NGF: variants seen among roughly 807,000 people sequenced by gnomAD.
NGF encodes beta-nerve growth factor.
Under a neutral mutation model 12.8 loss-of-function variants are expected in NGF, and 4 were observed. The observed-to-expected ratio is 0.31, with a 90% CI of 0.15 to 0.72. The LOEUF (loss-of-function observed/expected upper bound fraction) is 0.72, where lower values mean the gene tolerates loss of function less well. Ranked by LOEUF, NGF falls within the 30% of genes least tolerant of loss-of-function variation. NGF has a pLI of 0.69. For synonymous variants in NGF, 140 were observed against 130.0 expected (o/e 1.08, Z -0.52); for missense variants, 283 against 330.8 (o/e 0.86, Z 1.12).
intron 1 of NGF, among the ~76,000 whole-genome samples, chr1:115,328,928 C>G (rs186641826): frequency 6.6e-6 from 1 of 152,118 alleles, no homozygotes; most frequent in Non-Finnish European, 1.5e-5. Context: ...AGACAGGATA[C>G]GATTATTGTT....
chr1:115,286,858 A>G, intron 2 of NGF, 51 bp from the exon 3 acceptor site: 2 of 1,610,534 alleles, frequency 1.2e-6, no homozygotes, highest in Non-Finnish European at 8.5e-7. Context: ...AAATGCAGTC[A>G]AAAGGCAGTT....
chr1:115,305,315 T>A (rs1194193082), intron 1 of NGF, among the ~76,000 whole-genome samples: 2 of 152,174 alleles, frequency 1.3e-5, no homozygotes, highest in Non-Finnish European at 2.9e-5. Context: ...ACCTCAGTAG[T>A]GCTGTGGGGA....
intron 1 of NGF, among the ~76,000 whole-genome samples, chr1:115,312,190 A>T (rs1331861820): frequency 6.6e-6 from 1 of 152,224 alleles, no homozygotes; most frequent in Non-Finnish European, 1.5e-5. Flanking sequence ...GGTAAACTAG[A>T]GCTAATGAAT....
Position 115,286,643 on chromosome 1 carries a change from G to A in NGF, c.153C>T (p.Ala51=). ...QHSLDTALRR[A]RSAPAAAIAA... is the part of the protein sequence containing the mutation. ...CTATCGCCGCTGCCGGGGCGCTGCG[G>A]GCTCTGCGAAGGGCAGTGTCAAGGG... The change falls in exon 3 of 3, where the codon GCC becomes GCT. Residue 51 remains alanine, a synonymous_variant. Coordinates refer to ENST00000369512, the MANE Select transcript of NGF (RefSeq NM_002506.3). The A allele has an allele frequency of 6.2e-7, 1 of 1,614,242 alleles. No homozygotes were observed. The highest frequency in any genetic ancestry group is 8.5e-7 in the Non-Finnish European group (1 of 1,180,046).
intron 1 of NGF, among the ~76,000 whole-genome samples, chr1:115,302,316 CCTT>C (rs1654060699): frequency 6.6e-6 from 1 of 152,158 alleles, no homozygotes; most frequent in African/African-American, 2.4e-5. Context: ...CCTCGTTCCA[CCTT>C]CTTTATGAGC....
At chr1:115,289,937 C>A (rs778701622) in intron 2 of NGF, among the ~76,000 whole-genome samples, 8 of 152,114 alleles carry the variant, frequency 5.3e-5, no homozygotes, top group Non-Finnish European at 8.8e-5. Flanking sequence ...TCTCTGGGCC[C>A]CTAGTTCAGG....
chr1:115,289,761 G>A (rs558219677), intron 2 of NGF, among the ~76,000 whole-genome samples: 2 of 151,954 alleles, frequency 1.3e-5, no homozygotes, highest in South Asian at 4.2e-4. Context: ...CCCTAAACAC[G>A]CTTCTTCACA....
chr1:115,286,352 G>A lies in NGF; in HGVS notation c.444C>T (p.Thr148=), dbSNP rs759622419. The A allele has an allele frequency of 1.2e-5, 20 of 1,613,940 alleles. No homozygotes were observed. Among genetic ancestry groups the A allele is most frequent in the Middle Eastern group, 1.6e-4 (1 of 6,084 alleles). Residue 148 remains threonine, a synonymous_variant, in exon 3 of 3, where the codon ACC becomes ACT. Transcript: ENST00000369512. Reference sequence around the variant, plus strand: ...CCTCCTTGCCCTTGATGTCTGTGGCGGTGGTCTTATCCCCAACCCACACGC... The same window carrying A: ...CCTCCTTGCCCTTGATGTCTGTGGCAGTGGTCTTATCCCCAACCCACACGC... ...SVSVWVGDKT[T]ATDIKGKEVM... is the part of the protein sequence containing the mutation.
Position 115,304,329 on chromosome 1 carries a change from A to ATTTTTTTTTTTTTTTTTTTTTTT in NGF, c.-136-10580_-136-10579insAAAAAAAAAAAAAAAAAAAAAAA, listed in dbSNP as rs58345237. 6.3e-4 allele frequency among the ~76,000 whole-genome samples: 51 copies of ATTTTTTTTTTTTTTTTTTTTTTT among 80,818 alleles called. 2 individuals are homozygous for ATTTTTTTTTTTTTTTTTTTTTTT. The highest frequency in any genetic ancestry group is 8.6e-4 in the Non-Finnish European group (34 of 39,588). 53.0% of individuals were successfully genotyped at this position (80,818 alleles called of 152,430 possible). On this transcript the variant is annotated intron_variant, in intron 1 of 2. Coordinates refer to ENST00000369512, the MANE Select transcript of NGF (RefSeq NM_002506.3). ...AGGAGCGCACCACCATGCTTGGCTA[A>ATTTTTTTTTTTTTTTTTTTTTTT]TTTTTTTTTTTTTTTTGTATTTTTA...
intron 1 of NGF, among the ~76,000 whole-genome samples, chr1:115,319,041 G>A (rs1295593093): frequency 6.6e-6 from 1 of 152,126 alleles, no homozygotes; most frequent in Non-Finnish European, 1.5e-5. Flanking sequence ...CGTCCTGGTG[G>A]GGAGACATAC....
chr1:115,296,254 G>C (rs1283258087), intron 1 of NGF, among the ~76,000 whole-genome samples: 1 of 152,168 alleles, frequency 6.6e-6, no homozygotes, highest in Non-Finnish European at 1.5e-5. Flanking sequence ...TACACATCAG[G>C]AGGTGCTAAT....
At chr1:115,293,097 G>A (rs897507834) in intron 2 of NGF, among the ~76,000 whole-genome samples, 1 of 152,076 alleles carries the variant, frequency 6.6e-6, no homozygotes. Flanking sequence ...AAACCTGGGA[G>A]GTTGGCCATA....
intron 1 of NGF, among the ~76,000 whole-genome samples, chr1:115,298,668 G>A (rs1006345829): frequency 6.6e-6 from 1 of 152,126 alleles, no homozygotes; most frequent in African/African-American, 2.4e-5. Flanking sequence ...TGGTCCCAGA[G>A]GTCTTTTTGG....
chr1:115,315,803 G>A (rs574433433), intron 1 of NGF, among the ~76,000 whole-genome samples: 52 of 152,250 alleles, frequency 3.4e-4, no homozygotes, highest in African/African-American at 9.9e-4. Context: ...GGTTCATTAC[G>A]TGATTCGACT....
In NGF at chr1:115,325,881, G is replaced by A. The variant is rs555063017; in HGVS notation, c.-137+12323C>T. ...AGTATGGTTTCTAGATTACTCTGTG[G>A]GAATAATTATGTCATTATCTAAAGT... is the stretch of plus-strand genomic sequence containing the variant. On this transcript the variant is annotated intron_variant, in intron 1 of 2. Coordinates refer to ENST00000369512, the MANE Select transcript of NGF (RefSeq NM_002506.3). 5.9e-5 allele frequency among the ~76,000 whole-genome samples: 9 copies of A among 152,216 alleles called. No homozygotes were observed. The South Asian group carries it at 1.9e-3, about 32-fold the overall frequency.
intron 1 of NGF, among the ~76,000 whole-genome samples, chr1:115,324,887 T>C (rs1654731833): frequency 6.6e-6 from 1 of 152,234 alleles, no homozygotes; most frequent in African/African-American, 2.4e-5. Context: ...CAAAGACTTA[T>C]AGAGCTCCTA....
At chr1:115,302,858 C>T (rs967645028) in intron 1 of NGF, among the ~76,000 whole-genome samples, 1 of 152,202 alleles carries the variant, frequency 6.6e-6, no homozygotes, top group Non-Finnish European at 1.5e-5. Context: ...TACTTTTAAG[C>T]TCTGCCTAAA....
At chr1:115,308,408 TTGGA>T (rs1346279290) in intron 1 of NGF, among the ~76,000 whole-genome samples, 2 of 152,024 alleles carry the variant, frequency 1.3e-5, no homozygotes, top group Non-Finnish European at 2.9e-5. Context: ...CAAAAATGGG[TTGGA>T]TGAAGTAGGG....
chr1:115,327,935 G>A (rs538735049), intron 1 of NGF, among the ~76,000 whole-genome samples: 1 of 152,216 alleles, frequency 6.6e-6, no homozygotes, highest in Non-Finnish European at 1.5e-5. Context: ...ATAAGCGGTG[G>A]AGAGAAGAGG....
Sources: allele counts gnomAD v4.1 joint callset (sites outside exome capture counted in the v4.1 genomes callset), GRCh38; gene constraint gnomAD v4.1.1; transcripts MANE v1.5; gene names NCBI Gene and HGNC (gene_info 2026-07-23, HGNC 2026-07-21).